PLCB1: variants seen among roughly 807,000 people sequenced by gnomAD.
PLCB1 encodes the protein 1-phosphatidylinositol 4,5-bisphosphate phosphodiesterase beta-1.
Under a neutral mutation model 161.8 loss-of-function variants are expected in PLCB1, and 46 were observed. That is an observed-to-expected ratio of 0.28 (90% CI 0.22 to 0.36). The LOEUF (loss-of-function observed/expected upper bound fraction) is 0.36. Ranked by LOEUF, PLCB1 falls within the 10% of genes least tolerant of loss-of-function variation. PLCB1 has a pLI of 1.00. For missense variants in PLCB1, 1,016 were observed against 1,472.5 expected (o/e 0.69, Z 5.07); for synonymous variants, 517 against 503.7 (o/e 1.03, Z -0.35).
intron 2 of PLCB1, among the ~76,000 whole-genome samples, chr20:8,157,522 G>A (rs1225109491): frequency 2.0e-5 from 3 of 152,110 alleles, no homozygotes; most frequent in Non-Finnish European, 4.4e-5. Flanking sequence ...CAACTTCCAG[G>A]TTAAGTTTTT....
In PLCB1 at chr20:8,789,526, CA is replaced by C. The variant is rs1983650971; in HGVS notation, c.3288del (p.Glu1097ArgfsTer2). On this transcript the variant is annotated frameshift_variant, in exon 30 of 32. Transcript: ENST00000338037. LOFTEE classifies it high-confidence loss of function. The part of the protein sequence containing the change: ...KDKSQMEEEK[T>X]EMIRSYIQEV... ...TCATCATTTGCTTTTAGGGAGAAGA[CA>C]GAGATGATCCGGTCATATATCCAGG... 6.2e-7 allele frequency: 1 copy of C among 1,608,746 alleles called. No homozygotes were observed. Among genetic ancestry groups the C allele is most frequent in the Non-Finnish European group, 8.5e-7 (1 of 1,175,242 alleles).
intron 2 of PLCB1, among the ~76,000 whole-genome samples, chr20:8,185,212 G>A (rs2051890351): frequency 6.6e-6 from 1 of 152,172 alleles, no homozygotes; most frequent in Non-Finnish European, 1.5e-5. Flanking sequence ...AAAACTACAT[G>A]TGCTTAGCTT....
At chr20:8,244,553 G>C (rs1193298025) in intron 2 of PLCB1, among the ~76,000 whole-genome samples, 2 of 151,838 alleles carry the variant, frequency 1.3e-5, no homozygotes, top group Non-Finnish European at 2.9e-5. Flanking sequence ...GTAGACATCA[G>C]AAGAGTAACC....
intron 2 of PLCB1, among the ~76,000 whole-genome samples, chr20:8,321,761 A>G (rs905052431): frequency 2.0e-5 from 3 of 152,114 alleles, no homozygotes; most frequent in African/African-American, 7.2e-5. Flanking sequence ...AAATGCCACC[A>G]TCCTTTGTCT....
intron 25 of PLCB1, among the ~76,000 whole-genome samples, chr20:8,762,151 C>T (rs1017022414): frequency 2.0e-5 from 3 of 151,974 alleles, no homozygotes; most frequent in Admixed American, 6.6e-5. Flanking sequence ...CGGAGGTTGC[C>T]GTGAGCCAAG....
chr20:8,680,305 G>A (rs1163636911), intron 9 of PLCB1, among the ~76,000 whole-genome samples: 1 of 152,148 alleles, frequency 6.6e-6, no homozygotes, highest in African/African-American at 2.4e-5. Flanking sequence ...CTCAGAGTTT[G>A]TTCTCTGCCC....
chr20:8,209,192 C>G (rs1284109635), intron 2 of PLCB1, among the ~76,000 whole-genome samples: 1 of 149,156 alleles, frequency 6.7e-6, no homozygotes. Context: ...AGAAAAGAAA[C>G]TGTTTTTTGT....
At chr20:8,279,252 A>G (rs557410774) in intron 2 of PLCB1, among the ~76,000 whole-genome samples, 2 of 152,204 alleles carry the variant, frequency 1.3e-5, no homozygotes, top group Non-Finnish European at 2.9e-5. Context: ...TGGAAACTCA[A>G]ATGTCCATCC....
At position 8,544,266 on chromosome 20, in the gene PLCB1, G is replaced by A. The variant is rs796244879; in HGVS notation, c.247-84028G>A. ...TTTCTCTCTAAGCCAGAAGAATAGT[G>A]GGTATGTGAGCATGTGCAAGATTTT... On this transcript the variant is annotated intron_variant, in intron 3 of 31. Transcript: ENST00000338037. Among the ~76,000 whole-genome samples, 48 of 152,248 alleles carry A rather than the reference G, an allele frequency of 3.2e-4. 1 individual carries two copies. The highest frequency in any genetic ancestry group is 1.1e-3 in the African/African-American group (45 of 41,548).
At chr20:8,501,526 C>T (rs1337234350) in intron 3 of PLCB1, among the ~76,000 whole-genome samples, 1 of 152,196 alleles carries the variant, frequency 6.6e-6, no homozygotes, top group Admixed American at 6.5e-5. Flanking sequence ...CTCCTGTGGC[C>T]ACCTCTCTAG....
rs151019953 is a variant in PLCB1, at chr20:8,867,439, G to A, written c.3424-14183G>A. ...GAACTGAATTCATAATGTATGTTCAGTTCTTTCTGGTTGGTGGCATTCCAC... is the reference window on the plus strand; with the variant it reads ...GAACTGAATTCATAATGTATGTTCAATTCTTTCTGGTTGGTGGCATTCCAC... On this transcript the variant is annotated intron_variant, in intron 31 of 31. Coordinates refer to ENST00000338037, the MANE Select transcript of PLCB1 (RefSeq NM_015192.4). Among the ~76,000 whole-genome samples, 478 of 152,338 alleles carry A rather than the reference G, an allele frequency of 3.1e-3. 2 individuals carry two copies. The highest frequency in any genetic ancestry group is 0.011 in the African/African-American group (466 of 41,564).
chr20:8,615,420 C>T (rs1568530329), intron 3 of PLCB1, among the ~76,000 whole-genome samples: 1 of 152,246 alleles, frequency 6.6e-6, no homozygotes, highest in South Asian at 2.1e-4. Flanking sequence ...CTTCACAAAA[C>T]ATAATAGCTT....
At chr20:8,533,618 T>C (rs966439450) in intron 3 of PLCB1, among the ~76,000 whole-genome samples, 3 of 151,308 alleles carry the variant, frequency 2.0e-5, no homozygotes, top group African/African-American at 4.9e-5. Context: ...TGGCCAGTGA[T>C]GGTGAGCATT....
At chr20:8,791,419 A>G (rs999038404) in intron 31 of PLCB1, among the ~76,000 whole-genome samples, 10 of 152,220 alleles carry the variant, frequency 6.6e-5, no homozygotes, top group African/African-American at 2.4e-4. Context: ...CAAATTATTT[A>G]GAGCAAAAGA....
At chr20:8,852,041 A>C (rs1043077895) in intron 31 of PLCB1, among the ~76,000 whole-genome samples, 5 of 152,250 alleles carry the variant, frequency 3.3e-5, no homozygotes, top group African/African-American at 1.2e-4. Context: ...CAAAAAAAGA[A>C]GCCAGATGCA....
intron 2 of PLCB1, among the ~76,000 whole-genome samples, chr20:8,307,619 G>T (rs1260449844): frequency 6.6e-6 from 1 of 151,930 alleles, no homozygotes; most frequent in African/African-American, 2.4e-5. Flanking sequence ...CATTAATTAT[G>T]TTGTTAGTTA....
chr20:8,814,296 T>C (rs973294994), intron 31 of PLCB1, among the ~76,000 whole-genome samples: 8 of 152,206 alleles, frequency 5.3e-5, no homozygotes, highest in Non-Finnish European at 1.2e-4. Flanking sequence ...ATTCTGGCCT[T>C]TTGGAACATT....
intron 3 of PLCB1, among the ~76,000 whole-genome samples, chr20:8,590,059 A>G (rs1185876110): frequency 6.6e-6 from 1 of 152,210 alleles, no homozygotes; most frequent in African/African-American, 2.4e-5. Flanking sequence ...GGGTGGGGAC[A>G]TAAACATTCA....
chr20:8,453,158 T>C (rs1981149511), intron 3 of PLCB1, among the ~76,000 whole-genome samples: 1 of 152,234 alleles, frequency 6.6e-6, no homozygotes, highest in African/African-American at 2.4e-5. Flanking sequence ...TTCCAAAAAC[T>C]ACTCTTTCAC....
Sources: gnomAD v4.1 joint callset for allele counts (sites outside exome capture counted in the v4.1 genomes callset) on GRCh38, gnomAD v4.1.1 for gene constraint, MANE v1.5 for transcripts, NCBI Gene and HGNC (gene_info 2026-07-23, HGNC 2026-07-21) for gene names.